Variants in SLC4A4 observed in about 807,000 individuals in gnomAD.
SLC4A4 encodes solute carrier family 4 member 4.
In SLC4A4, 27 loss-of-function variants were observed where a neutral mutation model predicts 111.5. The observed-to-expected ratio is 0.24, with a 90% CI of 0.18 to 0.33. The LOEUF is 0.33. Among genes scored for constraint, SLC4A4 ranks in the 10% least tolerant of loss-of-function variants. SLC4A4 has a pLI of 1.00. For synonymous variants in SLC4A4, 443 were observed against 463.4 expected (o/e 0.96, Z 0.57); for missense variants, 909 against 1,315.5 (o/e 0.69, Z 4.78).
At chr4:71,480,662 C>T (rs550388773) in intron 14 of SLC4A4, among the ~76,000 whole-genome samples, 1 of 151,698 alleles carries the variant, frequency 6.6e-6, no homozygotes, top group Non-Finnish European at 1.5e-5. Context: ...TTTCTAGTTA[C>T]TTAATTGCCT....
intron 3 of SLC4A4, among the ~76,000 whole-genome samples, chr4:71,310,228 G>T (rs1006379696): frequency 2.0e-5 from 3 of 152,004 alleles, no homozygotes; most frequent in African/African-American, 7.2e-5. Context: ...TGAAAGTGAT[G>T]GGGAGAATGG....
intron 6 of SLC4A4, among the ~76,000 whole-genome samples, chr4:71,390,766 AAC>A (rs910409604): frequency 6.6e-6 from 1 of 152,158 alleles, no homozygotes; most frequent in Non-Finnish European, 1.5e-5. Flanking sequence ...TTATGCAAAT[AAC>A]ACAGAGAGAT....
intron 1 of SLC4A4, among the ~76,000 whole-genome samples, chr4:71,068,600 T>A (rs1030865891): frequency 6.6e-6 from 1 of 151,674 alleles, no homozygotes; most frequent in Non-Finnish European, 1.5e-5. Context: ...TGCTCTGTCA[T>A]CCAGGCTAGG....
At chr4:71,409,578 T>C (rs1721174727) in intron 7 of SLC4A4, among the ~76,000 whole-genome samples, 1 of 152,210 alleles carries the variant, frequency 6.6e-6, no homozygotes, top group African/African-American at 2.4e-5. Flanking sequence ...TGGGTGCTGT[T>C]AAAAGCATTC....
chr4:71,143,969 T>C (rs1744087138), intron 2 of SLC4A4, among the ~76,000 whole-genome samples: 1 of 152,250 alleles, frequency 6.6e-6, no homozygotes, highest in South Asian at 2.1e-4. Context: ...CATTTGTCAA[T>C]GTTGGCTTTT....
At chr4:71,415,041 G>T (rs758574609) in intron 7 of SLC4A4, among the ~76,000 whole-genome samples, 1 of 152,200 alleles carries the variant, frequency 6.6e-6, no homozygotes, top group Non-Finnish European at 1.5e-5. Flanking sequence ...CAGTGTAGTT[G>T]CACTGAACCA....
At chr4:71,126,056 G>T (rs528394218) in intron 2 of SLC4A4, among the ~76,000 whole-genome samples, 1 of 152,296 alleles carries the variant, frequency 6.6e-6, no homozygotes, top group African/African-American at 2.4e-5. Context: ...AAGATAGATA[G>T]ATCATTTCTT....
intron 3 of SLC4A4, among the ~76,000 whole-genome samples, chr4:71,320,200 G>A (rs1375509976): frequency 1.3e-5 from 2 of 151,914 alleles, no homozygotes; most frequent in Non-Finnish European, 2.9e-5. Flanking sequence ...GACAACTTAG[G>A]TATTCATATT....
chr4:71,328,383 T>C (rs1727670337), intron 3 of SLC4A4, among the ~76,000 whole-genome samples: 1 of 152,102 alleles, frequency 6.6e-6, no homozygotes, highest in South Asian at 2.1e-4. Flanking sequence ...TAGTTTTGTT[T>C]TTGGTTTTTT....
chr4:71,414,075 C>G (rs747329752), intron 7 of SLC4A4, among the ~76,000 whole-genome samples: 1 of 152,180 alleles, frequency 6.6e-6, no homozygotes, highest in East Asian at 1.9e-4. Flanking sequence ...TGTCAAGGAT[C>G]CATTTGAGCT....
chr4:71,422,528 C>G (rs1441560395), intron 7 of SLC4A4, among the ~76,000 whole-genome samples: 3 of 152,034 alleles, frequency 2.0e-5, no homozygotes, highest in Non-Finnish European at 4.4e-5. Context: ...GGCAGAGACA[C>G]AACCAAAAAA....
At chr4:71,300,895 A>G (rs1228573693) in intron 3 of SLC4A4, 2 of 510,412 alleles carry the variant, frequency 3.9e-6, no homozygotes, top group East Asian at 5.6e-5. Flanking sequence ...AGCACGTGGT[A>G]GGTGCTGGGG....
chr4:71,250,475 G>A (rs1468473870), intron 2 of SLC4A4, among the ~76,000 whole-genome samples: 1 of 152,104 alleles, frequency 6.6e-6, no homozygotes, highest in Non-Finnish European at 1.5e-5. Context: ...TGGGAGGTGG[G>A]GAAAGGTAGA....
At chr4:71,257,835 T>A (rs1018997280) in intron 3 of SLC4A4, among the ~76,000 whole-genome samples, 1 of 151,936 alleles carries the variant, frequency 6.6e-6, no homozygotes, top group Non-Finnish European at 1.5e-5. Flanking sequence ...TTGATGGGAG[T>A]CATCTTTGAT....
intron 7 of SLC4A4, among the ~76,000 whole-genome samples, chr4:71,407,135 C>T (rs919230314): frequency 6.6e-6 from 1 of 152,152 alleles, no homozygotes; most frequent in Non-Finnish European, 1.5e-5. Context: ...CTGAAAGCCA[C>T]TGTGGAACAG....
chr4:71,509,595 C>T (rs1159293174), intron 16 of SLC4A4, among the ~76,000 whole-genome samples: 2 of 152,080 alleles, frequency 1.3e-5, no homozygotes, highest in African/African-American at 4.8e-5. Context: ...TTTTGCTAGG[C>T]TCTTTAGAAT....
chr4:71,153,033 GTATATA>G (rs35271982), intron 2 of SLC4A4, among the ~76,000 whole-genome samples: 8,950 of 132,684 alleles, frequency 0.067, 885 homozygotes, highest in African/African-American at 0.22. Flanking sequence ...ATATGTGTGT[GTATATA>G]TATATATATA....
chr4:71,286,439 T>A (rs1367072894), intron 3 of SLC4A4, among the ~76,000 whole-genome samples: 1 of 152,190 alleles, frequency 6.6e-6, no homozygotes, highest in Non-Finnish European at 1.5e-5. Flanking sequence ...AGTTTTGTAT[T>A]GTCAAAGGGC....
chr4:71,526,827 A>T (rs1344716881), intron 16 of SLC4A4, among the ~76,000 whole-genome samples: 4 of 151,842 alleles, frequency 2.6e-5, no homozygotes, highest in African/African-American at 9.7e-5. Flanking sequence ...CTTTTCTACC[A>T]CCTAGGGGCT....
Sources: allele counts gnomAD v4.1 joint callset (sites outside exome capture counted in the v4.1 genomes callset), GRCh38; gene constraint gnomAD v4.1.1; transcripts MANE v1.5; gene names NCBI Gene and HGNC (gene_info 2026-07-23, HGNC 2026-07-21).